PCDH9: variants seen among roughly 807,000 people sequenced by gnomAD.
The protein encoded by PCDH9 is protocadherin 9, also known as protocadherin-9.
In PCDH9, 24 loss-of-function variants were observed where a neutral mutation model predicts 70.6. The ratio of observed to expected loss-of-function variants is 0.34; its 90% CI spans 0.25 to 0.48. The LOEUF (loss-of-function observed/expected upper bound fraction) is 0.48, where lower values mean the gene tolerates loss of function less well. Ranked by LOEUF, PCDH9 falls within the 20% of genes least tolerant of loss-of-function variation. The pLI is 0.99. For missense variants in PCDH9, 1,281 were observed against 1,503.6 expected, an observed-to-expected ratio of 0.85 and a Z score of 2.45; for synonymous variants, 562 against 558.5, an observed-to-expected ratio of 1.01 and a Z score of -0.09.
At chr13:67,120,344 G>A (rs2086853642) in intron 2 of PCDH9, among the ~76,000 whole-genome samples, 1 of 152,044 alleles carries the variant, frequency 6.6e-6, no homozygotes, top group Admixed American at 6.6e-5. Context: ...GGCCACCTCT[G>A]TGGATGCAGG....
At chr13:66,416,202 C>T (rs985984440) in intron 4 of PCDH9, among the ~76,000 whole-genome samples, 1 of 151,704 alleles carries the variant, frequency 6.6e-6, no homozygotes, top group Non-Finnish European at 1.5e-5. Context: ...TATTCTGAAA[C>T]CATCTTCTCC....
chr13:66,763,449 T>C (rs958438813), intron 3 of PCDH9, among the ~76,000 whole-genome samples: 1 of 152,044 alleles, frequency 6.6e-6, no homozygotes, highest in Non-Finnish European at 1.5e-5. Context: ...CTAGGGCCAA[T>C]AGAAATTTCA....
intron 2 of PCDH9, among the ~76,000 whole-genome samples, chr13:66,993,703 TG>T (rs1311080559): frequency 3.3e-5 from 5 of 152,224 alleles, no homozygotes; most frequent in Admixed American, 3.3e-4. Context: ...TGAAATAATC[TG>T]GTAAGAATCC....
intron 2 of PCDH9, among the ~76,000 whole-genome samples, chr13:67,187,384 T>A (rs1716558500): frequency 6.6e-6 from 1 of 152,114 alleles, no homozygotes; most frequent in Non-Finnish European, 1.5e-5. Context: ...CGCGAATGGA[T>A]TTGATTTATA....
intron 2 of PCDH9, among the ~76,000 whole-genome samples, chr13:67,112,924 T>G (rs1263623618): frequency 6.6e-6 from 1 of 152,082 alleles, no homozygotes; most frequent in African/African-American, 2.4e-5. Flanking sequence ...AGAGATGGAG[T>G]TTCTCCATGT....
chr13:66,803,084 A>C (rs1170712258), intron 3 of PCDH9, among the ~76,000 whole-genome samples: 2 of 147,720 alleles, frequency 1.4e-5, no homozygotes, highest in African/African-American at 2.4e-5. Context: ...CACAGTGTCA[A>C]GGTTGAATTT....
At chr13:66,372,784 T>C (rs1468808625) in intron 4 of PCDH9, among the ~76,000 whole-genome samples, 6 of 151,776 alleles carry the variant, frequency 4.0e-5, no homozygotes, top group Non-Finnish European at 8.8e-5. Flanking sequence ...ATATGTAAAA[T>C]ATGATCACTG....
At chr13:66,494,414 A>C (rs1486208565) in intron 4 of PCDH9, among the ~76,000 whole-genome samples, 1 of 152,198 alleles carries the variant, frequency 6.6e-6, no homozygotes, top group Non-Finnish European at 1.5e-5. Context: ...AATGAAATGC[A>C]AATCTAATGG....
intron 4 of PCDH9, among the ~76,000 whole-genome samples, chr13:66,618,965 A>T (rs945412977): frequency 7.2e-5 from 11 of 152,228 alleles, no homozygotes; most frequent in African/African-American, 1.9e-4. Context: ...TACTACATTT[A>T]TGATTCCTTA....
chr13:66,396,153 C>T (rs961433492), intron 4 of PCDH9, among the ~76,000 whole-genome samples: 1 of 152,114 alleles, frequency 6.6e-6, no homozygotes, highest in African/African-American at 2.4e-5. Flanking sequence ...TGTTAAGAAT[C>T]AGAATTATCC....
intron 3 of PCDH9, among the ~76,000 whole-genome samples, chr13:66,813,803 C>T (rs2080554393): frequency 6.6e-6 from 1 of 151,980 alleles, no homozygotes; most frequent in African/African-American, 2.4e-5. Context: ...ATAATTAGTG[C>T]TTTATTATGC....
chr13:67,076,247 A>G (rs181197607), intron 2 of PCDH9, among the ~76,000 whole-genome samples: 5 of 152,096 alleles, frequency 3.3e-5, no homozygotes, highest in African/African-American at 1.2e-4. Context: ...GTAAATCTCC[A>G]CTTGGGAGTG....
intron 4 of PCDH9, among the ~76,000 whole-genome samples, chr13:66,372,715 G>C (rs188002234): frequency 6.6e-6 from 1 of 151,886 alleles, no homozygotes; most frequent in African/African-American, 2.4e-5. Context: ...ATAATGATCT[G>C]GGTATGAAGC....
At chr13:66,825,451 C>T (rs1425412345) in intron 3 of PCDH9, among the ~76,000 whole-genome samples, 1 of 148,364 alleles carries the variant, frequency 6.7e-6, no homozygotes, top group Non-Finnish European at 1.5e-5. Context: ...ATTCTCCTGC[C>T]TCAGCCTCCC....
intron 3 of PCDH9, among the ~76,000 whole-genome samples, chr13:66,865,490 A>G (rs2081557553): frequency 6.6e-6 from 1 of 152,238 alleles, no homozygotes; most frequent in African/African-American, 2.4e-5. Context: ...GAAAAATTAT[A>G]TCTTTTGATC....
At chr13:66,383,381 C>T (rs1956879005) in intron 4 of PCDH9, among the ~76,000 whole-genome samples, 1 of 152,284 alleles carries the variant, frequency 6.6e-6, no homozygotes, top group South Asian at 2.1e-4. Flanking sequence ...GTTCATGTTT[C>T]ATTCAAAATG....
intron 4 of PCDH9, among the ~76,000 whole-genome samples, chr13:66,600,174 C>T (rs1446129348): frequency 6.6e-6 from 1 of 151,866 alleles, no homozygotes; most frequent in Non-Finnish European, 1.5e-5. Flanking sequence ...GTTTATTAGA[C>T]AAACAGACCA....
At chr13:66,388,906 C>G (rs1956974181) in intron 4 of PCDH9, among the ~76,000 whole-genome samples, 1 of 152,124 alleles carries the variant, frequency 6.6e-6, no homozygotes, top group South Asian at 2.1e-4. Flanking sequence ...AGAAACAAAA[C>G]TAATAATGAC....
intron 4 of PCDH9, among the ~76,000 whole-genome samples, chr13:66,463,471 A>C (rs1958461755): frequency 6.6e-6 from 1 of 151,894 alleles, no homozygotes; most frequent in African/African-American, 2.4e-5. Context: ...GAGAGAGAAA[A>C]AAAAGAGAGG....
Sources: gnomAD v4.1 joint callset for allele counts (sites outside exome capture counted in the v4.1 genomes callset) on GRCh38, gnomAD v4.1.1 for gene constraint, MANE v1.5 for transcripts, NCBI Gene and HGNC (gene_info 2026-07-23, HGNC 2026-07-21) for gene names.